SMG1: variants seen among roughly 807,000 people sequenced by gnomAD.
SMG1 encodes the protein SMG1 nonsense mediated mRNA decay associated PI3K related kinase, also known as serine/threonine-protein kinase SMG1.
In SMG1, 22 loss-of-function variants were observed where a neutral mutation model predicts 419.9. The ratio of observed to expected loss-of-function variants is 0.05; its 90% confidence interval spans 0.04 to 0.07. SMG1 has a LOEUF of 0.07. SMG1 is among the 10% of genes least tolerant of loss of function. The pLI is 1.00. For synonymous variants in SMG1, 1,538 were observed against 1,553.5 expected (o/e 0.99, Z 0.23); for missense variants, 3,185 against 4,342.0 (o/e 0.73, Z 7.49).
rs985516312 is a variant in SMG1, at chr16:18,834,818, G to A, written c.8330+74C>T. On this transcript the variant is annotated intron_variant, in intron 49 of 62. Coordinates refer to ENST00000446231, the MANE Select transcript of SMG1 (RefSeq NM_015092.5). ...GTAACACTTGGCAAGACTAAGGAAA[G>A]TAAAAGAACATTTTAGGTTTGGGAT... 13 of 1,493,102 alleles carry A rather than the reference G, an allele frequency of 8.7e-6. No individual in the cohort carries two copies. The African/African-American group carries it at 1.8e-4, about 21-fold the overall frequency. The allele number at this position is 1,493,102 out of a possible 1,614,324, so 92.5% of individuals were successfully genotyped here.
chr16:18,852,224 C>A lies in SMG1; in HGVS notation c.4914-19G>T. ...TCCCTGACTATAAAAATAAACAAGT[C>A]ATCAGTATTTCAGCTACCCAAACTT... On this transcript the variant is annotated intron_variant, in intron 32 of 62. Transcript: ENST00000446231. The A allele has an allele frequency of 6.2e-7, 1 of 1,609,542 alleles. No homozygotes were observed. Among genetic ancestry groups the A allele is most frequent in the South Asian group, 1.1e-5 (1 of 90,092 alleles).
chr16:18,882,398 A>C (rs901223140), intron 9 of SMG1, 60 bp from the exon 10 acceptor site: 12 of 974,518 alleles, frequency 1.2e-5, no homozygotes, highest in African/African-American at 1.0e-4. Context: ...AAAAAAAAAA[A>C]AAACTCTAAA....
chr16:18,880,683 CCAG>C (rs2036343631), intron 10 of SMG1, among the ~76,000 whole-genome samples: 2 of 132,096 alleles, frequency 1.5e-5, no homozygotes, highest in South Asian at 4.5e-4. Flanking sequence ...CCACTGCACT[CCAG>C]CGTGGGCAAC....
intron 1 of SMG1, among the ~76,000 whole-genome samples, chr16:18,898,248 G>A (rs998482011): frequency 1.3e-5 from 2 of 152,148 alleles, no homozygotes; most frequent in Non-Finnish European, 2.9e-5. Context: ...ACTGGTACAA[G>A]TCATTACTTA....
At chr16:18,875,033 G>T (rs889463693) in intron 13 of SMG1, 2 of 151,344 alleles carry the variant, frequency 1.3e-5, no homozygotes, top group African/African-American at 2.4e-5. Context: ...TATATAAAAT[G>T]AGATATGTGG....
At chr16:18,842,759 G>C (rs1427340847) in intron 39 of SMG1, among the ~76,000 whole-genome samples, 2 of 152,150 alleles carry the variant, frequency 1.3e-5, no homozygotes, top group Admixed American at 6.6e-5. Flanking sequence ...GAGCCCAGGG[G>C]GCAGAGGTTG....
chr16:18,831,790 T>TATAC (rs1303131673), intron 51 of SMG1, among the ~76,000 whole-genome samples: 59 of 137,312 alleles, frequency 4.3e-4, no homozygotes, highest in Middle Eastern at 3.7e-3. Context: ...TATATATATA[T>TATAC]ACACACACAC....
At position 18,847,548 on chromosome 16, in the gene SMG1, C is replaced by A. The variant is rs2034336996; in HGVS notation, c.5901G>T (p.Leu1967=). 1 of 1,614,030 alleles carries A rather than the reference C, an allele frequency of 6.2e-7. No individual in the cohort carries two copies. The change falls in exon 38 of 63, where the codon CTG becomes CTT. Residue 1967 remains leucine (L), a synonymous_variant. Transcript: ENST00000446231. The part of the protein sequence containing the change: ...RVTVLWDELW[L]GVLLQQHMYV... ...ACATGTGTTGTTGCAGCAAAACTCC[C>A]AGCCAGAGCTCATCCCAGAGCACAG...
intron 55 of SMG1, among the ~76,000 whole-genome samples, chr16:18,820,501 G>A (rs900040302): frequency 3.3e-5 from 5 of 152,202 alleles, no homozygotes; most frequent in African/African-American, 1.2e-4. Flanking sequence ...ACCATGCCTG[G>A]CCAAGTTTAT....
chr16:18,811,992 G>C lies in SMG1; in HGVS notation c.10757C>G (p.Ala3586Gly), dbSNP rs201156254. Residue 3586 changes from alanine to glycine, a missense_variant, in exon 61 of 63, where the codon GCT becomes GGT. Ala to Gly is a moderately conservative substitution (Grantham distance 60). Coordinates refer to ENST00000446231, the MANE Select transcript of SMG1 (RefSeq NM_015092.5). ...STVPGTGKSVACSPKKAVRDP... is the reference protein window; with the variant it reads ...STVPGTGKSVGCSPKKAVRDP... ...TCTGACTGCCTTTTTAGGACTACAA[G>C]CAACACTCTTGCCAGTTCCTGGAAC... 6.9e-5 allele frequency: 111 copies of C among 1,613,844 alleles called. 2 individuals carry two copies. The highest frequency in any genetic ancestry group is 4.9e-4 in the Middle Eastern group (3 of 6,082).
At position 18,849,245 on chromosome 16, in the gene SMG1, T is replaced by C; in HGVS notation, c.5595A>G (p.Ile1865Met). The change falls in exon 36 of 63, where the codon ATA (isoleucine) becomes ATG (methionine). Residue 1865 changes from isoleucine (I) to methionine (M), a missense_variant. This residue lies in a region of SMG1 where 130 missense variants were observed against 162.0 expected (regional missense o/e 0.80). Coordinates refer to ENST00000446231, the MANE Select transcript of SMG1 (RefSeq NM_015092.5). ...AAGCCTGGGATTCACTACTAAGCGA[T>C]ATGGTACCCACTATTGCAGGATACA... is the stretch of plus-strand genomic sequence containing the variant. ...LILYPAIVGT[I>M]SLSSESQASG... The C allele has an allele frequency of 1.2e-6, 2 of 1,613,314 alleles. No individual in the cohort carries two copies. Among genetic ancestry groups the C allele is most frequent in the Non-Finnish European group, 1.7e-6 (2 of 1,179,436 alleles).
At position 18,820,775 on chromosome 16, in the gene SMG1, T is replaced by G. The variant is rs562031423; in HGVS notation, c.9742-1121A>C. 9.8e-5 allele frequency among the ~76,000 whole-genome samples: 15 copies of G among 152,334 alleles called. No homozygotes were observed. In the South Asian group the frequency reaches 3.1e-3, roughly 32 times the overall value. ...CAAATGACTGAGCTCCAAAAAAGCT[T>G]CATTAAAAAACTTTTAAAACATCAC... On this transcript the variant is annotated intron_variant, in intron 55 of 62. Transcript: ENST00000446231.
rs1316742440 is a variant in SMG1, at chr16:18,866,635, T to C, written c.3336A>G (p.Gln1112=). ...CTCCAACCTACCTCCCTTCAGCCTG[T>C]TGAGCCACTGAGTTAATCCACAGAA... The part of the protein sequence containing the change: ...KNLLWINSVA[Q]QAEGRFEKAS... Residue 1112 remains glutamine, a synonymous_variant, in exon 23 of 63, where the codon CAA becomes CAG. Transcript: ENST00000446231. 5.0e-6 allele frequency: 8 copies of C among 1,593,916 alleles called. No homozygotes were observed. Among genetic ancestry groups the C allele is most frequent in the East Asian group, 2.2e-5 (1 of 44,864 alleles).
intron 56 of SMG1, among the ~76,000 whole-genome samples, chr16:18,818,492 T>C (rs1370526184): frequency 1.3e-5 from 2 of 152,126 alleles, no homozygotes; most frequent in African/African-American, 4.8e-5. Context: ...CTCAGACTTC[T>C]GAGCAGCTAG....
rs751108959 is a variant in SMG1 at position 18,834,878 on chromosome 16, G to A, written c.8330+14C>T. The A allele has an allele frequency of 6.2e-7, 1 of 1,608,730 alleles. No homozygotes were observed. The highest frequency in any genetic ancestry group is 1.1e-5 in the South Asian group (1 of 90,798). Reference sequence around the variant, plus strand: ...GACACAGGAAATGGTCCAATATGAAGTTGGCTAACTTACCTTGTAAGGGTA... The same window carrying A: ...GACACAGGAAATGGTCCAATATGAAATTGGCTAACTTACCTTGTAAGGGTA... On this transcript the variant is annotated intron_variant, in intron 49 of 62. Transcript: ENST00000446231.
At position 18,829,917 on chromosome 16, in the gene SMG1, G is replaced by A. The variant is rs749690721; in HGVS notation, c.9133+9C>T. 2 of 1,530,696 alleles carry A rather than the reference G, an allele frequency of 1.3e-6. No individual in the cohort carries two copies. Among genetic ancestry groups the A allele is most frequent in the Non-Finnish European group, 1.8e-6 (2 of 1,140,480 alleles). The allele number at this position is 1,530,696 out of a possible 1,614,324, so 94.8% of individuals were successfully genotyped here. A position where few individuals can be genotyped will look rare whatever the true frequency, so the allele number is the denominator to read the frequency against. Reference sequence around the variant, plus strand: ...GCTAAAGCTAGTATGTTTACAGGTAGAATATTACCTGACAATGTTTTAGAA... The same window carrying A: ...GCTAAAGCTAGTATGTTTACAGGTAAAATATTACCTGACAATGTTTTAGAA... On this transcript the variant is annotated intron_variant, in intron 53 of 62. Transcript: ENST00000446231.
chr16:18,835,772 T>C (rs1034955971), intron 48 of SMG1, among the ~76,000 whole-genome samples, 161 bp downstream of exon 48: 2 of 152,038 alleles, frequency 1.3e-5, no homozygotes, highest in African/African-American at 4.8e-5. Flanking sequence ...GGCTTGGTGG[T>C]GTTGTAGTCC....
rs1178900445 is a variant in SMG1 at position 18,809,481 on chromosome 16, CTG to C, written c.*86_*87del. On this transcript the variant is annotated 3_prime_UTR_variant, in exon 63 of 63. Transcript: ENST00000446231. The stretch of plus-strand genomic sequence containing the variant: ...AAGCCCCCAGTTGCATCACCACCGA[CTG>C]TGGTGTGGCTTTGGATGCCTGAGGC... The C allele has an allele frequency of 3.1e-6, 3 of 980,586 alleles. No individual in the cohort carries two copies. The highest frequency in any genetic ancestry group is 1.6e-5 in the African/African-American group (1 of 62,356). The allele number at this position is 980,586 out of a possible 1,614,324, so 60.7% of individuals were successfully genotyped here. A position where few individuals can be genotyped will look rare whatever the true frequency, so the allele number is the denominator to read the frequency against.
At chr16:18,874,461 A>C (rs1361316785) in intron 13 of SMG1, among the ~76,000 whole-genome samples, 2 of 151,852 alleles carry the variant, frequency 1.3e-5, no homozygotes, top group Non-Finnish European at 2.9e-5. Context: ...TTTCTATTAA[A>C]AAGAATGTTT....
Sources: allele counts gnomAD v4.1 joint callset (sites outside exome capture counted in the v4.1 genomes callset), GRCh38; gene constraint gnomAD v4.1.1; regional missense constraint gnomAD v4.1.1; transcripts MANE v1.5; gene names NCBI Gene and HGNC (gene_info 2026-07-23, HGNC 2026-07-21).